The following MAML2 variants were observed in gnomAD, a reference collection of about 807,000 sequenced individuals.
The protein encoded by MAML2 is mastermind like transcriptional coactivator 2, also known as mastermind-like protein 2.
MAML2 carries 22 observed loss-of-function variants against 96.1 expected under a neutral mutation model. That is an observed-to-expected ratio of 0.23 (90% CI 0.16 to 0.33). MAML2 has a LOEUF of 0.33. MAML2 is among the 10% of genes least tolerant of loss of function. The probability of loss-of-function intolerance (pLI) is 1.00; values close to 1 mark genes in which losing one functional copy is unlikely to be tolerated. For missense variants in MAML2, 1,367 were observed against 1,392.4 expected (o/e 0.98, Z 0.29); for synonymous variants, 561 against 521.3 (o/e 1.08, Z -1.04).
intron 1 of MAML2, among the ~76,000 whole-genome samples, chr11:96,206,444 A>C (rs1012019774): frequency 2.6e-5 from 4 of 152,156 alleles, no homozygotes; most frequent in Non-Finnish European, 5.9e-5. Flanking sequence ...AAAAATATAA[A>C]ACAAAATTAG....
intron 1 of MAML2, among the ~76,000 whole-genome samples, chr11:96,139,394 G>A (rs995959806): frequency 6.6e-5 from 10 of 151,478 alleles, no homozygotes; most frequent in East Asian, 1.9e-4. Flanking sequence ...GGAGAATGGC[G>A]TGAACCTGGG....
At chr11:96,299,775 C>T (rs1160997143) in intron 1 of MAML2, among the ~76,000 whole-genome samples, 2 of 152,198 alleles carry the variant, frequency 1.3e-5, no homozygotes, top group Admixed American at 1.3e-4. Flanking sequence ...CAGTAGCTTC[C>T]TCCCCTTTGC....
chr11:96,010,295 T>C (rs996021462), intron 2 of MAML2, among the ~76,000 whole-genome samples: 4 of 152,224 alleles, frequency 2.6e-5, no homozygotes, highest in African/African-American at 7.2e-5. Context: ...ACTGGATTAC[T>C]ATTTAGAGAT....
intron 1 of MAML2, among the ~76,000 whole-genome samples, chr11:96,164,640 A>G (rs529139602): frequency 1.3e-5 from 2 of 152,372 alleles, no homozygotes; most frequent in South Asian, 4.1e-4. Flanking sequence ...ACAAGCCAAC[A>G]TACAACAAAT....
At chr11:95,999,228 G>A (rs1565185317) in intron 2 of MAML2, among the ~76,000 whole-genome samples, 1 of 152,128 alleles carries the variant, frequency 6.6e-6, no homozygotes, top group Non-Finnish European at 1.5e-5. Context: ...CTATCCAAAA[G>A]CAGAGGATAG....
intron 1 of MAML2, among the ~76,000 whole-genome samples, chr11:96,207,476 A>G (rs1246851718): frequency 6.6e-6 from 1 of 152,244 alleles, no homozygotes. Context: ...GTGCAACTAC[A>G]TAACTGCCTG....
At chr11:96,309,206 G>C (rs1381069265) in intron 1 of MAML2, among the ~76,000 whole-genome samples, 1 of 152,118 alleles carries the variant, frequency 6.6e-6, no homozygotes, top group East Asian at 1.9e-4. Context: ...GCATCATACT[G>C]GGATTTGGAA....
At chr11:96,145,084 C>T (rs537365313) in intron 1 of MAML2, among the ~76,000 whole-genome samples, 3 of 152,322 alleles carry the variant, frequency 2.0e-5, no homozygotes, top group East Asian at 3.9e-4. Flanking sequence ...CATTACCTCA[C>T]TGGACTCTCA....
intron 2 of MAML2, among the ~76,000 whole-genome samples, chr11:96,071,067 C>T (rs975932583): frequency 6.6e-6 from 1 of 152,244 alleles, no homozygotes; most frequent in African/African-American, 2.4e-5. Context: ...GCTAAGGGGC[C>T]TTCTGAGTGG....
At chr11:96,209,774 A>T (rs1861943761) in intron 1 of MAML2, among the ~76,000 whole-genome samples, 2 of 152,224 alleles carry the variant, frequency 1.3e-5, no homozygotes, top group Non-Finnish European at 2.9e-5. Context: ...GTGCCACGAA[A>T]CTATCGATTA....
intron 2 of MAML2, among the ~76,000 whole-genome samples, chr11:96,078,767 C>A (rs534670065): frequency 3.1e-4 from 47 of 152,334 alleles, no homozygotes; most frequent in African/African-American, 1.1e-3. Flanking sequence ...ACTGTTGGTG[C>A]TTGCACATGA....
At chr11:96,168,807 T>C (rs1374832041) in intron 1 of MAML2, among the ~76,000 whole-genome samples, 1 of 152,146 alleles carries the variant, frequency 6.6e-6, no homozygotes, top group Non-Finnish European at 1.5e-5. Flanking sequence ...TTCACTATGC[T>C]GAGATCAGCT....
At chr11:96,129,873 T>C (rs1340073261) in intron 1 of MAML2, among the ~76,000 whole-genome samples, 1 of 152,204 alleles carries the variant, frequency 6.6e-6, no homozygotes, top group Non-Finnish European at 1.5e-5. Flanking sequence ...ACATGCAATA[T>C]TTGGTTTACT....
At chr11:96,113,490 C>A (rs1423609686) in intron 1 of MAML2, among the ~76,000 whole-genome samples, 1 of 151,582 alleles carries the variant, frequency 6.6e-6, no homozygotes, top group Non-Finnish European at 1.5e-5. Flanking sequence ...AGTCTCCCAC[C>A]AGCTTCCCTG....
intron 2 of MAML2, among the ~76,000 whole-genome samples, chr11:96,008,161 T>A (rs1024363315): frequency 6.6e-6 from 1 of 152,256 alleles, no homozygotes; most frequent in South Asian, 2.1e-4. Flanking sequence ...ATTAAAACCT[T>A]GAATGTAAAT....
intron 1 of MAML2, among the ~76,000 whole-genome samples, chr11:96,248,534 A>G (rs1862540752): frequency 6.6e-6 from 1 of 151,826 alleles, no homozygotes; most frequent in Non-Finnish European, 1.5e-5. Context: ...AGATGAAACT[A>G]CCCTCTCCCT....
chr11:96,111,342 T>C (rs974449972), intron 1 of MAML2, among the ~76,000 whole-genome samples: 1 of 152,208 alleles, frequency 6.6e-6, no homozygotes, highest in Non-Finnish European at 1.5e-5. Context: ...TACCTATTCC[T>C]AGCAAATTCA....
intron 1 of MAML2, among the ~76,000 whole-genome samples, chr11:96,209,389 G>A (rs193244058): frequency 1.3e-5 from 2 of 152,214 alleles, no homozygotes; most frequent in Non-Finnish European, 2.9e-5. Flanking sequence ...TGTAATCTCA[G>A]CACTTTAGGA....
At chr11:96,111,681 T>C (rs1054205059) in intron 1 of MAML2, among the ~76,000 whole-genome samples, 2 of 152,222 alleles carry the variant, frequency 1.3e-5, no homozygotes, top group East Asian at 1.9e-4. Context: ...GACAGTGACA[T>C]TGTCCCACAT....
Sources: gnomAD v4.1 joint callset for allele counts (sites outside exome capture counted in the v4.1 genomes callset) on GRCh38, gnomAD v4.1.1 for gene constraint, MANE v1.5 for transcripts, NCBI Gene and HGNC (gene_info 2026-07-23, HGNC 2026-07-21) for gene names.